TRABD2B: variants seen among roughly 807,000 people sequenced by gnomAD.
TRABD2B encodes metalloprotease TIKI2.
TRABD2B carries 14 observed loss-of-function variants against 40.1 expected under a neutral mutation model. The observed-to-expected ratio is 0.35, with a 90% CI of 0.23 to 0.55. TRABD2B has a LOEUF of 0.55. Among genes scored for constraint, TRABD2B ranks in the 20% least tolerant of loss-of-function variants. The pLI is 0.90. For synonymous variants in TRABD2B, 263 were observed against 277.0 expected, an observed-to-expected ratio of 0.95 and a Z score of 0.50; for missense variants, 541 against 648.6, an observed-to-expected ratio of 0.83 and a Z score of 1.80.
At position 47,840,573 on chromosome 1, in the gene TRABD2B, AG is replaced by A. The variant is rs372417622; in HGVS notation, c.667-38955del. Among the ~76,000 whole-genome samples, 498 of 152,350 alleles carry A rather than the reference AG, an allele frequency of 3.3e-3. 3 individuals are homozygous for A. Among genetic ancestry groups the A allele is most frequent in the African/African-American group, 0.011 (477 of 41,580 alleles). On this transcript the variant is annotated intron_variant, in intron 2 of 6. Coordinates refer to ENST00000606738, the MANE Select transcript of TRABD2B (RefSeq NM_001194986.2). ...AGACCCACTGGGATTAATTAATGAC[AG>A]GCCTGTCTTCAGGGTGGCCCTGGTG...
intron 4 of TRABD2B, among the ~76,000 whole-genome samples, chr1:47,781,247 G>A (rs968044751): frequency 1.7e-4 from 26 of 152,220 alleles, no homozygotes; most frequent in African/African-American, 6.3e-4. Flanking sequence ...GGAGACCTGT[G>A]CAAAGACAAG....
At chr1:47,944,909 T>C (rs950180431) in intron 2 of TRABD2B, among the ~76,000 whole-genome samples, 3 of 151,918 alleles carry the variant, frequency 2.0e-5, no homozygotes, top group Non-Finnish European at 4.4e-5. Context: ...CAAACACTCA[T>C]TAGATAGAAA....
At chr1:47,865,883 TG>T (rs1644049339) in intron 2 of TRABD2B, among the ~76,000 whole-genome samples, 1 of 152,116 alleles carries the variant, frequency 6.6e-6, no homozygotes, top group African/African-American at 2.4e-5. Context: ...CAGTTGAGCC[TG>T]GGTTCCCATC....
intron 2 of TRABD2B, among the ~76,000 whole-genome samples, chr1:47,831,029 C>A (rs1230609861): frequency 2.0e-5 from 3 of 151,054 alleles, no homozygotes; most frequent in Non-Finnish European, 4.4e-5. Flanking sequence ...CCCGACTGAG[C>A]CACATTCCCC....
chr1:47,842,192 G>C (rs1645407518), intron 2 of TRABD2B, among the ~76,000 whole-genome samples: 1 of 152,184 alleles, frequency 6.6e-6, no homozygotes, highest in South Asian at 2.1e-4. Flanking sequence ...TTCCCTTTCT[G>C]AGCTTTTCCC....
intron 2 of TRABD2B, among the ~76,000 whole-genome samples, chr1:47,857,070 T>C (rs1538782): frequency 7.9e-4 from 121 of 152,364 alleles, no homozygotes; most frequent in African/African-American, 2.8e-3. Context: ...CTTGAGCCTG[T>C]TGGGAGATGG....
At position 47,994,463 on chromosome 1, in the gene TRABD2B, G is replaced by A. The variant is rs1646060860; in HGVS notation, c.237C>T (p.Ser79=). The A allele has an allele frequency of 2.6e-6, 4 of 1,536,202 alleles. No homozygotes were observed. Among genetic ancestry groups the A allele is most frequent in the Non-Finnish European group, 3.5e-6 (4 of 1,146,930 alleles). The part of the protein sequence containing the change: ...PDNSKAAFQA[S]TRVYFELDLT... ...GGTCCAGCTCAAAGTAGACACGGGT[G>A]CTAGCCTGGAAGGCTGCCTTGGAGT... Residue 79 remains serine, a synonymous_variant, in exon 2 of 7, where the codon AGC becomes AGT. Transcript: ENST00000606738. This position sits in a 1 kb window ranked among gnomAD's most constrained non-coding sequence, Gnocchi z 6.7.
intron 2 of TRABD2B, among the ~76,000 whole-genome samples, chr1:47,892,551 A>G (rs2124655590): frequency 6.6e-6 from 1 of 152,334 alleles, no homozygotes; most frequent in Admixed American, 6.5e-5. Context: ...ATAAGTACAG[A>G]AAGAAGAGGA....
intron 2 of TRABD2B, among the ~76,000 whole-genome samples, chr1:47,961,378 A>G (rs1300243014): frequency 2.6e-5 from 4 of 152,242 alleles, no homozygotes; most frequent in Non-Finnish European, 5.9e-5. Context: ...TAATTAAACT[A>G]AAGAGCTTCT....
chr1:47,895,209 G>C (rs547323205), intron 2 of TRABD2B, among the ~76,000 whole-genome samples: 1 of 152,132 alleles, frequency 6.6e-6, no homozygotes, highest in African/African-American at 2.4e-5. Context: ...GGACACAGAG[G>C]ATGAGCGGAG....
intron 2 of TRABD2B, among the ~76,000 whole-genome samples, chr1:47,977,318 C>T (rs187970010): frequency 1.3e-5 from 2 of 152,272 alleles, no homozygotes; most frequent in African/African-American, 4.8e-5. Flanking sequence ...AAGTGATCCC[C>T]ACTTTGGCTT....
chr1:47,809,739 T>C (rs1644938624), intron 2 of TRABD2B, among the ~76,000 whole-genome samples: 1 of 152,206 alleles, frequency 6.6e-6, no homozygotes, highest in African/African-American at 2.4e-5. Flanking sequence ...CTCCGGACAC[T>C]GGGCTACTGA....
intron 2 of TRABD2B, among the ~76,000 whole-genome samples, chr1:47,943,025 AG>A (rs1168737786): frequency 6.6e-6 from 1 of 152,260 alleles, no homozygotes; most frequent in African/African-American, 2.4e-5. Context: ...CTTTGAAGTC[AG>A]GGAACAGTGG....
chr1:47,834,576 C>T lies in TRABD2B; in HGVS notation c.667-32957G>A, dbSNP rs563356665. On this transcript the variant is annotated intron_variant, in intron 2 of 6. Transcript: ENST00000606738. The stretch of plus-strand genomic sequence containing the variant: ...GGATGTGCTCCAACACACACACACA[C>T]GCGCACACACACACACACACACACA... Among the ~76,000 whole-genome samples the T allele has an allele frequency of 3.6e-4, 49 of 137,180 alleles. No individual in the cohort carries two copies. The East Asian group carries it at 8.3e-3, about 23-fold the overall frequency. The allele number at this position is 137,180 out of a possible 152,430, so 90.0% of individuals were successfully genotyped here.
chr1:47,789,186 T>C (rs1471623348), intron 4 of TRABD2B, among the ~76,000 whole-genome samples: 1 of 152,174 alleles, frequency 6.6e-6, no homozygotes, highest in Non-Finnish European at 1.5e-5. Flanking sequence ...AATGGGATGA[T>C]CACTGAGCAG....
intron 2 of TRABD2B, among the ~76,000 whole-genome samples, chr1:47,806,154 G>T (rs1644889451): frequency 6.6e-6 from 1 of 152,232 alleles, no homozygotes; most frequent in Non-Finnish European, 1.5e-5. Context: ...AGCATCCTTG[G>T]TGCTTCCAAC....
intron 4 of TRABD2B, among the ~76,000 whole-genome samples, chr1:47,792,731 AC>A (rs753717334): frequency 1.3e-5 from 2 of 151,814 alleles, no homozygotes; most frequent in Non-Finnish European, 2.9e-5. Context: ...GGTGGTAGCT[AC>A]CCCCAGCCCT....
At chr1:47,834,911 G>GA in intron 2 of TRABD2B, among the ~76,000 whole-genome samples, 1 of 152,032 alleles carries the variant, frequency 6.6e-6, no homozygotes, top group African/African-American at 2.4e-5. Flanking sequence ...ATAAATAGGA[G>GA]AAAAAAGCAG....
intron 2 of TRABD2B, among the ~76,000 whole-genome samples, chr1:47,908,356 A>G (rs745699242): frequency 6.6e-5 from 10 of 152,190 alleles, no homozygotes; most frequent in Non-Finnish European, 1.0e-4. Flanking sequence ...TAAAAAGAGA[A>G]AAAAAGAGGA....
Sources: gnomAD v4.1 joint callset for allele counts (sites outside exome capture counted in the v4.1 genomes callset) on GRCh38, gnomAD v4.1.1 for gene constraint, Gnocchi (gnomAD v3.1) non-coding constraint, MANE v1.5 for transcripts, NCBI Gene and HGNC (gene_info 2026-07-23, HGNC 2026-07-21) for gene names.